Variants in GRM8 observed in about 807,000 individuals in gnomAD.
GRM8 encodes glutamate metabotropic receptor 8.
A neutral mutation model predicts 87.2 loss-of-function variants in GRM8; 47 were observed. The ratio of observed to expected loss-of-function variants is 0.54; its 90% confidence interval spans 0.43 to 0.69. The LOEUF is 0.69. GRM8 is among the 30% of genes least tolerant of loss of function. The pLI is 0.00. For missense variants in GRM8, 1,019 were observed against 1,139.2 expected (o/e 0.89, Z 1.52); for synonymous variants, 396 against 404.5 (o/e 0.98, Z 0.25).
chr7:126,849,811 T>A (rs1385835121), intron 6 of GRM8, among the ~76,000 whole-genome samples: 2 of 152,098 alleles, frequency 1.3e-5, no homozygotes, highest in Non-Finnish European at 2.9e-5. Context: ...CCCTTTACCA[T>A]GCTCCAACTT....
chr7:126,845,816 T>C (rs969778618), intron 6 of GRM8, among the ~76,000 whole-genome samples: 3 of 152,072 alleles, frequency 2.0e-5, no homozygotes, highest in African/African-American at 7.2e-5. Context: ...GATGAGTTCC[T>C]GTCCTAGGGT....
intron 3 of GRM8, among the ~76,000 whole-genome samples, chr7:127,090,727 C>T (rs1341635783): frequency 1.3e-5 from 2 of 152,140 alleles, no homozygotes; most frequent in African/African-American, 4.8e-5. Context: ...CACTGGCATG[C>T]CCCAGAACCC....
chr7:127,013,711 A>G (rs1467780803), intron 3 of GRM8, among the ~76,000 whole-genome samples: 1 of 152,124 alleles, frequency 6.6e-6, no homozygotes, highest in African/African-American at 2.4e-5. Flanking sequence ...TAATAATTTA[A>G]TGAGTTCTTT....
At chr7:126,981,264 T>C (rs556633563) in intron 3 of GRM8, 6 of 152,298 alleles carry the variant, frequency 3.9e-5, no homozygotes, top group African/African-American at 7.2e-5. Context: ...AGCCTCACCA[T>C]TGATTATGCC....
At chr7:126,848,515 G>C (rs1330443421) in intron 6 of GRM8, among the ~76,000 whole-genome samples, 2 of 151,974 alleles carry the variant, frequency 1.3e-5, no homozygotes, top group Admixed American at 1.3e-4. Context: ...TTATTAATGT[G>C]GCTGCTAGAA....
chr7:127,077,644 A>AACAAACC (rs1211001280), intron 3 of GRM8, among the ~76,000 whole-genome samples: 2 of 152,222 alleles, frequency 1.3e-5, no homozygotes, highest in African/African-American at 4.8e-5. Flanking sequence ...TTTGCATTAA[A>AACAAACC]ACAAACCACT....
At chr7:126,528,207 CA>C (rs1228359844) in intron 9 of GRM8, among the ~76,000 whole-genome samples, 22 of 151,274 alleles carry the variant, frequency 1.5e-4, no homozygotes, top group African/African-American at 5.1e-4. Context: ...GACTCCATCT[CA>C]AAAAACAACG....
At position 126,527,976 on chromosome 7, in the gene GRM8, C is replaced by T. The variant is rs529128262; in HGVS notation, c.2430+4976G>A. ...AATCCAGCATTTTGGGAGGCTAAGG[C>T]GGGCGGATCATGAGGTCAAGAGATT... On this transcript the variant is annotated intron_variant, in intron 9 of 10. Coordinates refer to ENST00000339582, the MANE Select transcript of GRM8 (RefSeq NM_000845.3). Among the ~76,000 whole-genome samples, 302 of 152,236 alleles carry T rather than the reference C, an allele frequency of 2.0e-3. 4 individuals carry two copies. The South Asian group carries it at 0.021, about 11-fold the overall frequency.
At chr7:126,727,041 AC>A (rs1430225898) in intron 7 of GRM8, among the ~76,000 whole-genome samples, 1 of 152,082 alleles carries the variant, frequency 6.6e-6, no homozygotes, top group Non-Finnish European at 1.5e-5. Flanking sequence ...TTACTGCATA[AC>A]TTTTTCATAA....
intron 7 of GRM8, among the ~76,000 whole-genome samples, chr7:126,634,839 TCC>T (rs1452891233): frequency 6.6e-6 from 1 of 152,196 alleles, no homozygotes; most frequent in Non-Finnish European, 1.5e-5. Context: ...TGATTTTATC[TCC>T]AAAGCAGTGA....
intron 3 of GRM8, among the ~76,000 whole-genome samples, chr7:127,032,228 A>C (rs1817447139): frequency 6.6e-6 from 1 of 152,104 alleles, no homozygotes; most frequent in Admixed American, 6.5e-5. Context: ...CAGTGACACC[A>C]CTGTGCTCAT....
At chr7:127,112,427 G>C (rs1361954) in intron 2 of GRM8, 24,316 of 151,934 alleles carry the variant, frequency 0.16, 2,241 homozygotes, top group Non-Finnish European at 0.21. Context: ...GATTCCACAG[G>C]GTTATTTTCT....
intron 6 of GRM8, among the ~76,000 whole-genome samples, chr7:126,847,018 A>G (rs181440174): frequency 2.1e-4 from 32 of 152,312 alleles, no homozygotes; most frequent in Non-Finnish European, 4.3e-4. Context: ...CTACACAATT[A>G]GTTTGCAGCA....
At chr7:126,542,101 C>T (rs1035743706) in intron 8 of GRM8, among the ~76,000 whole-genome samples, 5 of 152,124 alleles carry the variant, frequency 3.3e-5, no homozygotes, top group African/African-American at 1.2e-4. Flanking sequence ...GGAGAGAGGC[C>T]TCAGAGAAAA....
At chr7:126,871,976 A>C (rs907992676) in intron 6 of GRM8, among the ~76,000 whole-genome samples, 1 of 152,148 alleles carries the variant, frequency 6.6e-6, no homozygotes, top group Non-Finnish European at 1.5e-5. Context: ...CCGGTTCTAA[A>C]CATCCTTTAT....
intron 2 of GRM8, among the ~76,000 whole-genome samples, chr7:127,119,373 C>A (rs950857112): frequency 6.6e-6 from 1 of 152,036 alleles, no homozygotes; most frequent in Admixed American, 6.6e-5. Flanking sequence ...GTAGTCCTAG[C>A]TACTCAAGAG....
intron 7 of GRM8, among the ~76,000 whole-genome samples, chr7:126,655,089 AT>A (rs1205710214): frequency 6.6e-6 from 1 of 152,200 alleles, no homozygotes; most frequent in Non-Finnish European, 1.5e-5. Context: ...ATGGTACAAC[AT>A]TGCTTTTATT....
chr7:126,929,609 T>A (rs2131425805), intron 3 of GRM8, among the ~76,000 whole-genome samples: 1 of 152,116 alleles, frequency 6.6e-6, no homozygotes, highest in Middle Eastern at 3.4e-3. Flanking sequence ...AATTTTTATA[T>A]TTTTAGTAGA....
intron 6 of GRM8, among the ~76,000 whole-genome samples, chr7:126,788,420 A>AAACAAAAAACAAAAAAC (rs1554492202): frequency 7.4e-5 from 6 of 81,116 alleles, no homozygotes; most frequent in Admixed American, 3.3e-4. Flanking sequence ...AAAAAAAAAA[A>AAACAAAAAACAAAAAAC]AAACCCTTTC....
Sources: allele counts gnomAD v4.1 joint callset (sites outside exome capture counted in the v4.1 genomes callset), GRCh38; gene constraint gnomAD v4.1.1; transcripts MANE v1.5; gene names NCBI Gene and HGNC (gene_info 2026-07-23, HGNC 2026-07-21).